Variants in TMEM67 observed in about 807,000 individuals in gnomAD.
TMEM67 encodes meckelin.
TMEM67 carries 124 observed loss-of-function variants against 136.6 expected under a neutral mutation model. That is an observed-to-expected ratio of 0.91 (90% CI 0.78 to 1.05). The LOEUF (loss-of-function observed/expected upper bound fraction) is 1.05, where lower values mean the gene tolerates loss of function less well. TMEM67 is among the 50% of genes least tolerant of loss of function. TMEM67 has a pLI of 0.00. For synonymous variants in TMEM67, 364 were observed against 390.5 expected, an observed-to-expected ratio of 0.93 and a Z score of 0.80; for missense variants, 1,107 against 1,178.4, an observed-to-expected ratio of 0.94 and a Z score of 0.89.
chr8:93,794,022 G>C (rs972045882), intron 16 of TMEM67, among the ~76,000 whole-genome samples: 1 of 152,114 alleles, frequency 6.6e-6, no homozygotes, highest in South Asian at 2.1e-4. Context: ...CTCCTGAGTA[G>C]CTGGAATTAC....
In TMEM67 at chr8:93,805,085, G is replaced by A. The variant is rs756576639; in HGVS notation, c.2439+207G>A. Among the ~76,000 whole-genome samples, 19 of 151,942 alleles carry A rather than the reference G, an allele frequency of 1.3e-4. No homozygotes were observed. In the East Asian group the frequency reaches 1.8e-3, roughly 14 times the overall value. ...CCTTCTGGGTTCAAGTGATCCTCCC[G>A]TCTCAGCTTCCTGAGCAGCTGGGAC... On this transcript the variant is annotated intron_variant, in intron 23 of 27. Coordinates refer to ENST00000453321, the MANE Select transcript of TMEM67 (RefSeq NM_153704.6).
chr8:93,792,161 C>T (rs950213894), intron 15 of TMEM67, among the ~76,000 whole-genome samples: 5 of 151,788 alleles, frequency 3.3e-5, no homozygotes, highest in East Asian at 1.9e-4. Flanking sequence ...CATGCCCAGC[C>T]GGCCCTCTAA....
chr8:93,797,756 C>T (rs568963095), intron 20 of TMEM67, among the ~76,000 whole-genome samples: 10 of 152,042 alleles, frequency 6.6e-5, no homozygotes, highest in African/African-American at 2.2e-4. Flanking sequence ...CTGAGGCAGG[C>T]GGATCACCTG....
chr8:93,793,964 C>T (rs1420606884), intron 16 of TMEM67, among the ~76,000 whole-genome samples: 3 of 152,064 alleles, frequency 2.0e-5, no homozygotes, highest in Non-Finnish European at 4.4e-5. Flanking sequence ...AATCTTGGTT[C>T]ACTTGCAACC....
chr8:93,780,835 T>C (rs773276849), intron 8 of TMEM67, 39 bp from the exon 9 acceptor site: 1 of 1,591,412 alleles, frequency 6.3e-7, no homozygotes, highest in African/African-American at 1.3e-5. Flanking sequence ...ATAAGAAATA[T>C]TTATTCTCCA....
At position 93,797,381 on chromosome 8, in the gene TMEM67, T is replaced by C; in HGVS notation, c.2011T>C (p.Tyr671His). The part of the protein sequence containing the change: ...ATVPVSIWRT[Y>H]FVANEWNEIQ... ...TGTTCCTGTAAGCATATGGAGAACA[T>C]ATTTTGTAGCAAATGAATGGAATGA... The change falls in exon 20 of 28, where the codon TAT (tyrosine) becomes CAT (histidine). Residue 671 changes from tyrosine to histidine, a missense_variant. Transcript: ENST00000453321. The C allele has an allele frequency of 6.2e-7, 1 of 1,614,106 alleles. No homozygotes were observed. Among genetic ancestry groups the C allele is most frequent in the Admixed American group, 1.7e-5 (1 of 60,028 alleles).
In TMEM67 at chr8:93,772,627, G is replaced by A. The variant is rs1046776254; in HGVS notation, c.690G>A (p.Leu230=). The change falls in exon 7 of 28, where the codon TTG becomes TTA. Residue 230 remains leucine, a synonymous_variant. Coordinates refer to ENST00000453321, the MANE Select transcript of TMEM67 (RefSeq NM_153704.6). The part of the protein sequence containing the change: ...SLTSEWFAKY[L]QSSAAACWVY... ...CTTCAGAATGGTTTGCAAAGTATTT[G>A]CAATCATCAGCAGCTGCATGTTGGG... The A allele has an allele frequency of 5.6e-6, 9 of 1,612,374 alleles. No homozygotes were observed. The highest frequency in any genetic ancestry group is 7.6e-6 in the Non-Finnish European group (9 of 1,179,164).
chr8:93,796,886 A>G (rs1262328704), intron 18 of TMEM67, among the ~76,000 whole-genome samples: 3 of 152,176 alleles, frequency 2.0e-5, no homozygotes, highest in Non-Finnish European at 4.4e-5. Context: ...TCATATTCCT[A>G]TTTTAAAGAA....
At chr8:93,759,838 A>T (rs903702523) in intron 3 of TMEM67, 2 of 593,838 alleles carry the variant, frequency 3.4e-6, no homozygotes, top group African/African-American at 3.8e-5. Flanking sequence ...AGTGGCTAAC[A>T]GGGTTTCTCC....
intron 7 of TMEM67, among the ~76,000 whole-genome samples, chr8:93,779,638 AG>A (rs1266405875): frequency 2.6e-5 from 4 of 152,124 alleles, no homozygotes; most frequent in Non-Finnish European, 5.9e-5. Flanking sequence ...CCTCAGCTGC[AG>A]GTCTGTTGGA....
At chr8:93,790,890 A>T (rs2130709795) in intron 14 of TMEM67, among the ~76,000 whole-genome samples, 1 of 152,296 alleles carries the variant, frequency 6.6e-6, no homozygotes, top group South Asian at 2.1e-4. Context: ...GATTTTGTTC[A>T]GACCTTTGAT....
chr8:93,800,528 A>G (rs115646900), intron 21 of TMEM67, among the ~76,000 whole-genome samples: 233 of 152,290 alleles, frequency 1.5e-3, no homozygotes, highest in African/African-American at 5.3e-3. Context: ...GACAATTGTA[A>G]TTGCTTTATA....
At chr8:93,795,861 C>T (rs1396141133) in intron 17 of TMEM67, 40 bp from the exon 18 acceptor site, 1 of 1,391,798 alleles carries the variant, frequency 7.2e-7, no homozygotes, top group East Asian at 2.3e-5. Flanking sequence ...ACAAAAAAAA[C>T]TGTGTGTGAT....
chr8:93,780,136 C>A (rs1053664419), intron 7 of TMEM67, among the ~76,000 whole-genome samples: 3 of 151,744 alleles, frequency 2.0e-5, no homozygotes, highest in African/African-American at 7.3e-5. Flanking sequence ...CTCAGCTGTG[C>A]TAGCAGTGAG....
intron 7 of TMEM67, among the ~76,000 whole-genome samples, chr8:93,777,134 TG>T (rs1432662091): frequency 6.6e-6 from 1 of 152,228 alleles, no homozygotes; most frequent in Admixed American, 6.5e-5. Context: ...CTAGTTTATT[TG>T]TATAGAGGTG....
downstream of TMEM67, among the ~76,000 whole-genome samples, chr8:93,823,905 C>A (rs1403066161): frequency 1.3e-5 from 2 of 150,808 alleles, no homozygotes; most frequent in Admixed American, 1.3e-4. Context: ...TTTAGAGCCT[C>A]TCTCAAAGCC....
Position 93,809,149 on chromosome 8 carries a change from CT to C in TMEM67, c.2651del (p.Phe884SerfsTer13). 1 of 1,569,608 alleles carries C rather than the reference CT, an allele frequency of 6.4e-7. No individual in the cohort carries two copies. Among genetic ancestry groups the C allele is most frequent in the Non-Finnish European group, 8.8e-7 (1 of 1,140,460 alleles). On this transcript the variant is annotated frameshift_variant, in exon 25 of 28. Transcript: ENST00000453321. LOFTEE classifies it high-confidence loss of function. Reference sequence around the variant, plus strand: ...ATATGATGAATAAATTTCTTGGCTCCTTCATTGACCATGTATGTATGTCAAC... The same window carrying C: ...ATATGATGAATAAATTTCTTGGCTCCTCATTGACCATGTATGTATGTCAAC... ...YHMMNKFLGSFIDHVHKEMDY... is the reference protein window; with the variant it reads ...YHMMNKFLGSXIDHVHKEMDY...
At chr8:93,824,844 A>G in the TMEM67 span, among the ~76,000 whole-genome samples, 1 of 152,156 alleles carries the variant, frequency 6.6e-6, no homozygotes, top group Non-Finnish European at 1.5e-5. Flanking sequence ...CCTCTTGAGT[A>G]GCTGGGATTA....
intron 12 of TMEM67, chr8:93,785,625 A>G (rs1814060434): frequency 2.7e-6 from 1 of 375,912 alleles, no homozygotes; most frequent in Non-Finnish European, 4.7e-6. Context: ...GAGAAACATT[A>G]GTAGAACCGT....
Sources: allele counts gnomAD v4.1 joint callset (sites outside exome capture counted in the v4.1 genomes callset), GRCh38; gene constraint gnomAD v4.1.1; transcripts MANE v1.5; gene names NCBI Gene and HGNC (gene_info 2026-07-23, HGNC 2026-07-21).